The following UBE2E1 variants were observed in gnomAD, a reference collection of about 807,000 sequenced individuals.
UBE2E1 encodes the protein ubiquitin conjugating enzyme E2 E1.
Under a neutral mutation model 21.4 loss-of-function variants are expected in UBE2E1, and 6 were observed. The ratio of observed to expected loss-of-function variants is 0.28; its 90% CI spans 0.15 to 0.55. UBE2E1 has a LOEUF of 0.55. Ranked by LOEUF, UBE2E1 falls within the 20% of genes least tolerant of loss-of-function variation. UBE2E1 has a pLI of 0.93. For synonymous variants in UBE2E1, 87 were observed against 82.7 expected, an observed-to-expected ratio of 1.05 and a Z score of -0.28; for missense variants, 142 against 236.5, an observed-to-expected ratio of 0.60 and a Z score of 2.62.
At chr3:23,822,007 G>A (rs1699656502) in intron 3 of UBE2E1, among the ~76,000 whole-genome samples, 2 of 152,204 alleles carry the variant, frequency 1.3e-5, no homozygotes, top group African/African-American at 4.8e-5. Flanking sequence ...CATGAGAAGA[G>A]TGCCCAGGAT....
At chr3:23,837,493 A>G (rs147913781) in intron 3 of UBE2E1, among the ~76,000 whole-genome samples, 219 of 152,338 alleles carry the variant, frequency 1.4e-3, no homozygotes, top group African/African-American at 5.1e-3. Flanking sequence ...TTTCTTCTGC[A>G]GAGAGGAGGG....
At chr3:23,881,940 G>A (rs1330509197) in intron 3 of UBE2E1, among the ~76,000 whole-genome samples, 3 of 152,158 alleles carry the variant, frequency 2.0e-5, no homozygotes, top group East Asian at 1.9e-4. Context: ...GGAGCTGTTC[G>A]TTCCTCCCGT....
intron 3 of UBE2E1, among the ~76,000 whole-genome samples, chr3:23,871,576 C>G (rs965982384): frequency 1.7e-4 from 25 of 150,526 alleles, no homozygotes; most frequent in African/African-American, 5.9e-4. Context: ...ACTTCCCAGA[C>G]GGGGTGGCTG....
chr3:23,866,599 A>G (rs1700663206), intron 3 of UBE2E1: 1 of 152,132 alleles, frequency 6.6e-6, no homozygotes, highest in Non-Finnish European at 1.5e-5. Flanking sequence ...AATTGAACTG[A>G]TGCTTGTTTC....
rs1700382406 is a variant in UBE2E1 at position 23,853,949 on chromosome 3, C to G, written c.204-33618C>G. On this transcript the variant is annotated intron_variant, in intron 3 of 5. Coordinates refer to ENST00000306627, the MANE Select transcript of UBE2E1 (RefSeq NM_003341.5). This position sits in a 1 kb window ranked among gnomAD's most constrained non-coding sequence, Gnocchi z 4.1. ...TCCAGTGGTGATAGGCTGACCCAAGCCCAGGCCCATCAGAATGCTTTATCT... is the reference window on the plus strand; with the variant it reads ...TCCAGTGGTGATAGGCTGACCCAAGGCCAGGCCCATCAGAATGCTTTATCT... Among the ~76,000 whole-genome samples the G allele has an allele frequency of 6.6e-6, 1 of 152,136 alleles. No homozygotes were observed. Among genetic ancestry groups the G allele is most frequent in the Non-Finnish European group, 1.5e-5 (1 of 68,024 alleles).
chr3:23,860,737 AAAGAAT>A (rs1700537196), intron 3 of UBE2E1, among the ~76,000 whole-genome samples: 5 of 152,206 alleles, frequency 3.3e-5, no homozygotes, highest in African/African-American at 1.2e-4. Context: ...GGTGTTTTTT[AAAGAAT>A]ATGAAGCCTT....
intron 3 of UBE2E1, among the ~76,000 whole-genome samples, chr3:23,885,504 G>A (rs768073396): frequency 1.3e-5 from 2 of 152,152 alleles, no homozygotes; most frequent in Non-Finnish European, 2.9e-5. Flanking sequence ...ATCAGATATC[G>A]TGTAAAACTA....
intron 3 of UBE2E1, among the ~76,000 whole-genome samples, chr3:23,830,139 T>C (rs936007857): frequency 1.3e-5 from 2 of 152,236 alleles, no homozygotes; most frequent in Non-Finnish European, 2.9e-5. Context: ...TAGGCTCCTC[T>C]AATTCTTACA....
At chr3:23,858,168 C>T (rs1167632320) in intron 3 of UBE2E1, among the ~76,000 whole-genome samples, 2 of 152,112 alleles carry the variant, frequency 1.3e-5, no homozygotes, top group Non-Finnish European at 2.9e-5. Flanking sequence ...AAGCTGTTAC[C>T]TACAGTGTAA....
chr3:23,854,089 G>A (rs1282188894), intron 3 of UBE2E1, among the ~76,000 whole-genome samples: 3 of 151,810 alleles, frequency 2.0e-5, no homozygotes, highest in East Asian at 1.9e-4. Context: ...GAAACCCCAC[G>A]TCTACTAAAA....
chr3:23,841,132 T>G (rs991250978), intron 3 of UBE2E1, among the ~76,000 whole-genome samples: 1 of 152,226 alleles, frequency 6.6e-6, no homozygotes, highest in Non-Finnish European at 1.5e-5. Flanking sequence ...CTTTTAGAGA[T>G]GCGGGTGAAC....
intron 3 of UBE2E1, among the ~76,000 whole-genome samples, chr3:23,817,928 G>C (rs952233186): frequency 1.3e-5 from 2 of 152,218 alleles, no homozygotes; most frequent in African/African-American, 4.8e-5. Context: ...CATTCAGATA[G>C]AGTTGGCTAT....
chr3:23,846,651 G>A (rs1700210083), intron 3 of UBE2E1, among the ~76,000 whole-genome samples: 1 of 143,692 alleles, frequency 7.0e-6, no homozygotes, highest in Admixed American at 7.4e-5. Context: ...AGCTGAGATC[G>A]TGCCACTGCA....
chr3:23,847,886 C>A (rs972431566), intron 3 of UBE2E1, among the ~76,000 whole-genome samples: 2 of 152,084 alleles, frequency 1.3e-5, no homozygotes, highest in African/African-American at 4.8e-5. Flanking sequence ...CCATTTCCAG[C>A]CCCAAAGGCA....
At chr3:23,848,322 A>T (rs559450968) in intron 3 of UBE2E1, among the ~76,000 whole-genome samples, 1 of 152,266 alleles carries the variant, frequency 6.6e-6, no homozygotes, top group East Asian at 1.9e-4. Flanking sequence ...TACAAAAATT[A>T]GCTGGGTGTG....
chr3:23,887,805 T>C lies in UBE2E1; in HGVS notation c.336+106T>C, dbSNP rs1701221736. 9.2e-6 allele frequency: 13 copies of C among 1,410,698 alleles called. No individual in the cohort carries two copies. Among genetic ancestry groups the C allele is most frequent in the Non-Finnish European group, 1.0e-5 (11 of 1,052,534 alleles). 87.4% of individuals were successfully genotyped at this position (1,410,698 alleles called of 1,614,324 possible). A position where few individuals can be genotyped will look rare whatever the true frequency, so the allele number is the denominator to read the frequency against. On this transcript the variant is annotated intron_variant, in intron 4 of 5. Transcript: ENST00000306627. This position sits in a 1 kb window ranked among gnomAD's most constrained non-coding sequence, Gnocchi z 4.4. Reference sequence around the variant, plus strand: ...AATCACAGAAACTAGATTTATCTTATGTCCTAATAGATCTGAGTATTTTAA... The same window carrying C: ...AATCACAGAAACTAGATTTATCTTACGTCCTAATAGATCTGAGTATTTTAA...
At chr3:23,872,258 A>G (rs1475201102) in intron 3 of UBE2E1, among the ~76,000 whole-genome samples, 1 of 151,932 alleles carries the variant, frequency 6.6e-6, no homozygotes, top group East Asian at 1.9e-4. Flanking sequence ...CTGCAATCAC[A>G]GGCACTCGGC....
At position 23,842,196 on chromosome 3, in the gene UBE2E1, GGGGTGT is replaced by G. The variant is rs1559482313; in HGVS notation, c.203+30688_203+30693del. 4.5e-5 allele frequency among the ~76,000 whole-genome samples: 2 copies of G among 44,330 alleles called. No homozygotes were observed. Among genetic ancestry groups the G allele is most frequent in the African/African-American group, 1.3e-4 (2 of 15,170 alleles). The allele number at this position is 44,330 out of a possible 152,430, so 29.1% of individuals were successfully genotyped here. The stretch of plus-strand genomic sequence containing the variant: ...ACTATGTCATGACCCAGTAAGTGAA[GGGGTGT>G]GTGTGTGTGTGTGTGTGTGTGTGTG... On this transcript the variant is annotated intron_variant, in intron 3 of 5. Transcript: ENST00000306627. The surrounding 1 kb of genome is among the most constrained non-coding windows in gnomAD (Gnocchi z 4.6).
At chr3:23,861,130 A>G (rs916834670) in intron 3 of UBE2E1, among the ~76,000 whole-genome samples, 4 of 152,176 alleles carry the variant, frequency 2.6e-5, no homozygotes, top group Non-Finnish European at 5.9e-5. Flanking sequence ...TCTTATTTGT[A>G]TATGTGTTGA....
Sources: gnomAD v4.1 joint callset for allele counts (sites outside exome capture counted in the v4.1 genomes callset) on GRCh38, gnomAD v4.1.1 for gene constraint, Gnocchi (gnomAD v3.1) non-coding constraint, MANE v1.5 for transcripts, NCBI Gene and HGNC (gene_info 2026-07-23, HGNC 2026-07-21) for gene names.